Variants in MBD5 observed in about 807,000 individuals in gnomAD.
MBD5 encodes methyl-CpG-binding domain protein 5.
A neutral mutation model predicts 117.3 loss-of-function variants in MBD5; 13 were observed. The ratio of observed to expected loss-of-function variants is 0.11; its 90% CI spans 0.07 to 0.18. MBD5 has a LOEUF of 0.18. Ranked by LOEUF, MBD5 falls within the 10% of genes least tolerant of loss-of-function variation. The pLI is 1.00. For synonymous variants in MBD5, 727 were observed against 766.4 expected, an observed-to-expected ratio of 0.95 and a Z score of 0.85; for missense variants, 1,879 against 2,093.8, an observed-to-expected ratio of 0.90 and a Z score of 2.00.
chr2:148,374,396 C>T (rs1703939207), intron 4 of MBD5, among the ~76,000 whole-genome samples: 1 of 152,072 alleles, frequency 6.6e-6, no homozygotes, highest in Non-Finnish European at 1.5e-5. Flanking sequence ...TTGTAAAAGA[C>T]CCTTGAGCAA....
intron 3 of MBD5, among the ~76,000 whole-genome samples, chr2:148,332,102 T>C (rs1284308543): frequency 1.3e-5 from 2 of 152,160 alleles, no homozygotes; most frequent in Non-Finnish European, 2.9e-5. Context: ...TGATTATATT[T>C]CTACTTCTTG....
chr2:148,446,103 G>T (rs985399917), intron 4 of MBD5, among the ~76,000 whole-genome samples: 1 of 150,866 alleles, frequency 6.6e-6, no homozygotes, highest in Admixed American at 6.6e-5. Flanking sequence ...TCTGATGGTA[G>T]TTTCTTTTGC....
intron 1 of MBD5, among the ~76,000 whole-genome samples, chr2:148,083,244 C>A (rs1213442648): frequency 6.6e-6 from 1 of 152,148 alleles, no homozygotes; most frequent in East Asian, 1.9e-4. Context: ...AAAATCCATT[C>A]ACAAAGCAAC....
At chr2:148,308,615 T>G (rs574987931) in intron 3 of MBD5, among the ~76,000 whole-genome samples, 1 of 151,328 alleles carries the variant, frequency 6.6e-6, no homozygotes, top group Admixed American at 6.6e-5. Flanking sequence ...GGCTGTTCAC[T>G]CTGATGAGAG....
chr2:148,401,267 T>A (rs1704911353), intron 4 of MBD5, among the ~76,000 whole-genome samples: 1 of 152,168 alleles, frequency 6.6e-6, no homozygotes. Flanking sequence ...TGCTCATTAA[T>A]TCCTTCAAGA....
At chr2:148,077,374 G>A (rs1558915934) in intron 1 of MBD5, among the ~76,000 whole-genome samples, 1 of 152,132 alleles carries the variant, frequency 6.6e-6, no homozygotes, top group Non-Finnish European at 1.5e-5. Context: ...CTGTGAGATG[G>A]CCAGACTCTT....
chr2:148,447,179 GA>G (rs1706571931), intron 4 of MBD5, among the ~76,000 whole-genome samples: 1 of 712 alleles, frequency 1.4e-3, no homozygotes, highest in East Asian at 0.5. Context: ...AAGGAAGAAG[GA>G]AAGAAAGAAA....
chr2:148,129,733 G>A (rs911408980), intron 1 of MBD5, among the ~76,000 whole-genome samples: 1 of 152,100 alleles, frequency 6.6e-6, no homozygotes, highest in Non-Finnish European at 1.5e-5. Context: ...CCATTTTGTG[G>A]CTTTATAGTA....
In MBD5 at chr2:148,470,107, G is replaced by T. The variant is rs143584574; in HGVS notation, c.2164G>T (p.Gly722Cys). Residue 722 changes from glycine to cysteine, a missense_variant, in exon 8 of 14, where the codon GGT (glycine) becomes TGT (cysteine). Physicochemically the swap from Gly to Cys is radical, Grantham distance 159. Transcript: ENST00000642680. ...SSHLSSNSTP[G>C]CGASNTALPC... Reference sequence around the variant, plus strand: ...TCACTTGAGTAGCAATAGTACCCCGGGTTGTGGGGCCTCAAATACTGCTTT... The same window carrying T: ...TCACTTGAGTAGCAATAGTACCCCGTGTTGTGGGGCCTCAAATACTGCTTT... The T allele has an allele frequency of 1.2e-6, 2 of 1,613,688 alleles. No individual in the cohort carries two copies. Among genetic ancestry groups the T allele is most frequent in the African/African-American group, 2.7e-5 (2 of 74,872 alleles).
chr2:148,137,891 CAT>C (rs1301431936), intron 1 of MBD5, among the ~76,000 whole-genome samples: 19 of 152,270 alleles, frequency 1.2e-4, no homozygotes, highest in African/African-American at 4.3e-4. Context: ...TGGGCTGTGT[CAT>C]ATAGCCTACA....
chr2:148,459,338 C>G (rs1463870141), intron 5 of MBD5, among the ~76,000 whole-genome samples: 1 of 152,106 alleles, frequency 6.6e-6, no homozygotes, highest in African/African-American at 2.4e-5. Context: ...AGTCTTTAAT[C>G]TATTTCCTTG....
At chr2:148,453,339 T>C (rs1206739986) in intron 4 of MBD5, among the ~76,000 whole-genome samples, 1 of 152,046 alleles carries the variant, frequency 6.6e-6, no homozygotes, top group Non-Finnish European at 1.5e-5. Context: ...AGAGACTAAT[T>C]TGCATTTTTA....
At position 148,075,153 on chromosome 2, in the gene MBD5, A is replaced by C. The variant is rs150019533; in HGVS notation, c.-925+53469A>C. 1.1e-3 allele frequency among the ~76,000 whole-genome samples: 171 copies of C among 152,356 alleles called. 1 individual carries two copies. The highest frequency in any genetic ancestry group is 3.7e-3 in the African/African-American group (155 of 41,590). On this transcript the variant is annotated intron_variant, in intron 1 of 13. Coordinates refer to ENST00000642680, the MANE Select transcript of MBD5 (RefSeq NM_001378120.1). ...CAGCCCAGAATAGAATAAGGCAACT[A>C]AGGAAGACTGTACATGACTGTGGAA...
chr2:148,080,439 A>C (rs1695619890), intron 1 of MBD5, among the ~76,000 whole-genome samples: 1 of 152,220 alleles, frequency 6.6e-6, no homozygotes, highest in Non-Finnish European at 1.5e-5. Flanking sequence ...GCAAATTTGA[A>C]GTACATATTC....
At chr2:148,165,898 G>C (rs2105772409) in intron 1 of MBD5, among the ~76,000 whole-genome samples, 1 of 152,110 alleles carries the variant, frequency 6.6e-6, no homozygotes, top group South Asian at 2.1e-4. Flanking sequence ...TAATATTTTG[G>C]TTTAAACATT....
intron 1 of MBD5, among the ~76,000 whole-genome samples, chr2:148,151,698 ATT>A (rs1279574168): frequency 1.3e-5 from 2 of 151,908 alleles, no homozygotes; most frequent in African/African-American, 4.8e-5. Flanking sequence ...GAATTTATCC[ATT>A]TCTTCTAGAT....
At chr2:148,084,019 C>T (rs541499100) in intron 1 of MBD5, among the ~76,000 whole-genome samples, 2 of 152,276 alleles carry the variant, frequency 1.3e-5, no homozygotes, top group South Asian at 4.1e-4. Flanking sequence ...TTTTCCTCCT[C>T]AAGATGTAGT....
At chr2:148,204,575 A>T (rs937404529) in intron 2 of MBD5, among the ~76,000 whole-genome samples, 22 of 152,230 alleles carry the variant, frequency 1.4e-4, no homozygotes, top group Admixed American at 1.2e-3. Context: ...TGAAGAAAGA[A>T]TAGTCAGGTC....
chr2:148,146,164 A>G (rs537185759), intron 1 of MBD5, among the ~76,000 whole-genome samples: 1 of 152,320 alleles, frequency 6.6e-6, no homozygotes, highest in African/African-American at 2.4e-5. Context: ...ATTGACCTAC[A>G]GTTGTTTATA....
Sources: gnomAD v4.1 joint callset for allele counts (sites outside exome capture counted in the v4.1 genomes callset) on GRCh38, gnomAD v4.1.1 for gene constraint, MANE v1.5 for transcripts, NCBI Gene and HGNC (gene_info 2026-07-23, HGNC 2026-07-21) for gene names.